The following NRG3 variants were observed in gnomAD, a reference collection of about 807,000 sequenced individuals.
The protein encoded by NRG3 is pro-neuregulin-3, membrane-bound isoform.
Under a neutral mutation model 66.9 loss-of-function variants are expected in NRG3, and 31 were observed. The observed-to-expected ratio is 0.46, with a 90% CI of 0.35 to 0.63. The LOEUF is 0.63. NRG3 is among the 20% of genes least tolerant of loss of function. NRG3 has a pLI of 0.00. For missense variants in NRG3, 910 were observed against 878.9 expected, an observed-to-expected ratio of 1.04 and a Z score of -0.45; for synonymous variants, 393 against 359.4, an observed-to-expected ratio of 1.09 and a Z score of -1.06.
chr10:81,896,412 G>A (rs900197511), intron 1 of NRG3, among the ~76,000 whole-genome samples: 1 of 152,226 alleles, frequency 6.6e-6, no homozygotes, highest in African/African-American at 2.4e-5. Context: ...TTAAGAACTG[G>A]TGCTCAGTGC....
chr10:82,341,367 T>C (rs2082679968), intron 1 of NRG3, among the ~76,000 whole-genome samples: 1 of 152,090 alleles, frequency 6.6e-6, no homozygotes, highest in Non-Finnish European at 1.5e-5. Context: ...TTTTTTGACT[T>C]TTCCTTGCCT....
At chr10:81,932,210 AAGAGAG>A (rs55799004) in intron 1 of NRG3, among the ~76,000 whole-genome samples, 230 of 143,466 alleles carry the variant, frequency 1.6e-3, no homozygotes, top group Admixed American at 1.9e-3. Flanking sequence ...GATTGAGAGA[AAGAGAG>A]AGAGAGAGAG....
At chr10:82,761,595 A>C (rs2059306043) in intron 3 of NRG3, among the ~76,000 whole-genome samples, 1 of 152,112 alleles carries the variant, frequency 6.6e-6, no homozygotes, top group Non-Finnish European at 1.5e-5. Context: ...TTCAGTAAAA[A>C]CAACATAAAC....
chr10:82,177,530 C>A (rs2133185521), intron 1 of NRG3, among the ~76,000 whole-genome samples: 1 of 152,252 alleles, frequency 6.6e-6, no homozygotes, highest in East Asian at 1.9e-4. Flanking sequence ...CATAATCCAA[C>A]TAAACCAGTG....
intron 2 of NRG3, among the ~76,000 whole-genome samples, chr10:82,472,332 T>C (rs1308730230): frequency 2.0e-5 from 3 of 152,180 alleles, no homozygotes; most frequent in Non-Finnish European, 4.4e-5. Flanking sequence ...TAAAATACAC[T>C]AGTTCAATGA....
chr10:82,011,169 A>G (rs1309273241), intron 1 of NRG3, among the ~76,000 whole-genome samples: 1 of 152,142 alleles, frequency 6.6e-6, no homozygotes, highest in Non-Finnish European at 1.5e-5. Context: ...AGTTCCACAT[A>G]GCTGGGGAGG....
At chr10:82,885,093 G>C (rs539427606) in intron 4 of NRG3, among the ~76,000 whole-genome samples, 6 of 152,200 alleles carry the variant, frequency 3.9e-5, no homozygotes, top group Admixed American at 6.5e-5. Flanking sequence ...TGTTATAATA[G>C]GAAAATATCT....
chr10:82,344,901 G>T (rs2082907376), intron 1 of NRG3, among the ~76,000 whole-genome samples: 1 of 116,974 alleles, frequency 8.5e-6, no homozygotes, highest in Admixed American at 8.1e-5. Flanking sequence ...CCCACTTTTT[G>T]ATGGGGTTGT....
intron 1 of NRG3, among the ~76,000 whole-genome samples, chr10:81,928,256 GTTACCACCACTTGGAAAGCTTT>G (rs1395579917): frequency 6.6e-6 from 1 of 152,130 alleles, no homozygotes; most frequent in African/African-American, 2.4e-5. Flanking sequence ...CCAGCAGCAG[GTTACCACCACTTGGAAAGCTTT>G]TTACCAGAAT....
intron 1 of NRG3, chr10:82,166,882 G>A: frequency 1.7e-6 from 1 of 595,398 alleles, no homozygotes; most frequent in Non-Finnish European, 3.1e-6. Flanking sequence ...TTTTTTCTCA[G>A]TAGTTTTTTT....
chr10:82,961,333 T>C (rs1413978614), intron 6 of NRG3, among the ~76,000 whole-genome samples: 1 of 152,212 alleles, frequency 6.6e-6, no homozygotes, highest in Non-Finnish European at 1.5e-5. Flanking sequence ...AAATGTGGTT[T>C]AAATTCAACA....
At chr10:82,799,345 G>C (rs935258871) in intron 3 of NRG3, among the ~76,000 whole-genome samples, 12 of 152,106 alleles carry the variant, frequency 7.9e-5, no homozygotes, top group Non-Finnish European at 7.4e-5. Flanking sequence ...GGCCAATGCG[G>C]TGAAACCCCA....
chr10:82,680,405 C>T (rs1293201601), intron 2 of NRG3, among the ~76,000 whole-genome samples: 1 of 152,170 alleles, frequency 6.6e-6, no homozygotes, highest in Non-Finnish European at 1.5e-5. Context: ...ATTAAATAAC[C>T]AATCAATGTT....
At chr10:81,987,457 T>G (rs560941597) in intron 1 of NRG3, among the ~76,000 whole-genome samples, 1 of 152,324 alleles carries the variant, frequency 6.6e-6, no homozygotes, top group Non-Finnish European at 1.5e-5. Flanking sequence ...TTTGTAACTT[T>G]TAGAAACAAT....
At chr10:82,057,162 G>A (rs1310526997) in intron 1 of NRG3, among the ~76,000 whole-genome samples, 2 of 151,520 alleles carry the variant, frequency 1.3e-5, no homozygotes, top group African/African-American at 4.9e-5. Flanking sequence ...TTCATTTCTT[G>A]TATTTTCTTC....
At chr10:82,892,933 T>C (rs1320067003) in intron 4 of NRG3, among the ~76,000 whole-genome samples, 2 of 151,918 alleles carry the variant, frequency 1.3e-5, no homozygotes, top group Non-Finnish European at 2.9e-5. Flanking sequence ...CCTCAAAATA[T>C]ATAAAGGTAA....
At chr10:82,505,670 A>G (rs1267699253) in intron 2 of NRG3, among the ~76,000 whole-genome samples, 2 of 152,192 alleles carry the variant, frequency 1.3e-5, no homozygotes, top group Admixed American at 6.5e-5. Flanking sequence ...ATATGACTAG[A>G]TAATTGCATG....
At chr10:82,876,730 A>C (rs371651498) in intron 4 of NRG3, among the ~76,000 whole-genome samples, 1 of 152,214 alleles carries the variant, frequency 6.6e-6, no homozygotes, top group Non-Finnish European at 1.5e-5. Flanking sequence ...TTAGAAAGTA[A>C]TTCTCAGAGA....
chr10:82,601,810 G>A (rs1377962270), intron 2 of NRG3, among the ~76,000 whole-genome samples: 1 of 146,048 alleles, frequency 6.8e-6, no homozygotes, highest in African/African-American at 2.5e-5. Context: ...AGGAGTTTCA[G>A]ACCAGCCTGG....
Sources: gnomAD v4.1 joint callset for allele counts (sites outside exome capture counted in the v4.1 genomes callset) on GRCh38, gnomAD v4.1.1 for gene constraint, MANE v1.5 for transcripts, NCBI Gene and HGNC (gene_info 2026-07-23, HGNC 2026-07-21) for gene names.